Variants in ASIC2 observed in about 807,000 individuals in gnomAD.
ASIC2 encodes the protein acid-sensing ion channel 2.
Under a neutral mutation model 57.3 loss-of-function variants are expected in ASIC2, and 25 were observed. The ratio of observed to expected loss-of-function variants is 0.44; its 90% confidence interval spans 0.32 to 0.61. The LOEUF is 0.61. ASIC2 is among the 20% of genes least tolerant of loss of function. ASIC2 has a pLI of 0.06. For synonymous variants in ASIC2, 319 were observed against 307.5 expected (o/e 1.04, Z -0.39); for missense variants, 641 against 738.1 (o/e 0.87, Z 1.52).
intron 1 of ASIC2, among the ~76,000 whole-genome samples, chr17:33,633,282 C>A (rs1410665581): frequency 6.6e-6 from 1 of 152,222 alleles, no homozygotes; most frequent in Non-Finnish European, 1.5e-5. Flanking sequence ...CCATTCCCCA[C>A]CTGTGGGGTG....
At chr17:33,749,147 A>G (rs1910354677) in intron 1 of ASIC2, among the ~76,000 whole-genome samples, 1 of 152,106 alleles carries the variant, frequency 6.6e-6, no homozygotes, top group Admixed American at 6.5e-5. Context: ...GTGCAAGAGC[A>G]CAGCTTCCTC....
At chr17:33,563,628 G>T (rs921258412) in intron 1 of ASIC2, among the ~76,000 whole-genome samples, 1 of 152,150 alleles carries the variant, frequency 6.6e-6, no homozygotes, top group African/African-American at 2.4e-5. Flanking sequence ...AGTGCATCAG[G>T]CTGAATGAGA....
At chr17:33,273,255 C>T (rs1029566470) in intron 1 of ASIC2, among the ~76,000 whole-genome samples, 4 of 152,164 alleles carry the variant, frequency 2.6e-5, no homozygotes, top group African/African-American at 9.7e-5. Context: ...GTTTTTACTG[C>T]GTGAGCTTAC....
chr17:33,394,530 A>G (rs951188178), intron 1 of ASIC2, among the ~76,000 whole-genome samples: 1 of 152,202 alleles, frequency 6.6e-6, no homozygotes, highest in Non-Finnish European at 1.5e-5. Flanking sequence ...ACAGTGGTCA[A>G]GGTTAGAATA....
chr17:34,108,036 T>A (rs1182742035), intron 1 of ASIC2, among the ~76,000 whole-genome samples: 1 of 152,180 alleles, frequency 6.6e-6, no homozygotes, highest in Non-Finnish European at 1.5e-5. Flanking sequence ...TATGTGGCTA[T>A]TTCCTTACTT....
chr17:33,268,493 C>A (rs551324414), intron 1 of ASIC2, among the ~76,000 whole-genome samples: 1 of 152,134 alleles, frequency 6.6e-6, no homozygotes, highest in Admixed American at 6.5e-5. Context: ...TCAAAATACA[C>A]AAAGTTAAAT....
chr17:33,579,424 GAT>G (rs1567658187), intron 1 of ASIC2, among the ~76,000 whole-genome samples: 1 of 152,028 alleles, frequency 6.6e-6, no homozygotes, highest in African/African-American at 2.4e-5. Context: ...AAAACAAGGA[GAT>G]ATAGACTAGG....
chr17:33,292,596 C>T lies in ASIC2; in HGVS notation c.-481G>A. 2.0e-6 allele frequency: 2 copies of T among 985,798 alleles called. No individual in the cohort carries two copies. The highest frequency in any genetic ancestry group is 9.4e-5 in the South Asian group (2 of 21,292). The allele number at this position is 985,798 out of a possible 1,614,324, so 61.1% of individuals were successfully genotyped here. ...ACTCGGCCACCATGCCTGATCTGGACATCCCCAGGGACCCCACCAGCCCGG... is the reference window on the plus strand; with the variant it reads ...ACTCGGCCACCATGCCTGATCTGGATATCCCCAGGGACCCCACCAGCCCGG... On this transcript the variant is annotated 5_prime_UTR_variant, in exon 1 of 10. The change abolishes an upstream ATG in the 5' untranslated region. Transcript: ENST00000225823.
chr17:33,364,627 G>T (rs562591395), intron 1 of ASIC2, among the ~76,000 whole-genome samples: 21 of 152,220 alleles, frequency 1.4e-4, no homozygotes, highest in Admixed American at 1.1e-3. Flanking sequence ...AGATGTGCTT[G>T]CTTCCTCTCT....
intron 1 of ASIC2, among the ~76,000 whole-genome samples, chr17:33,974,788 A>C (rs1567775259): frequency 6.6e-6 from 1 of 151,714 alleles, no homozygotes. Flanking sequence ...ATCCATTCAC[A>C]TCTGTGTCTA....
At chr17:33,712,334 A>G (rs988425336) in intron 1 of ASIC2, among the ~76,000 whole-genome samples, 1 of 152,212 alleles carries the variant, frequency 6.6e-6, no homozygotes, top group African/African-American at 2.4e-5. Flanking sequence ...ACACTGAGCC[A>G]CAAGAGGGCT....
At chr17:33,285,096 G>A (rs866000346) in intron 1 of ASIC2, among the ~76,000 whole-genome samples, 6 of 152,318 alleles carry the variant, frequency 3.9e-5, no homozygotes, top group Admixed American at 6.5e-5. Flanking sequence ...TTAGGAGAAT[G>A]AAGGCAACCG....
intron 3 of ASIC2, among the ~76,000 whole-genome samples, chr17:33,087,313 A>G (rs1276242659): frequency 6.6e-6 from 1 of 152,068 alleles, no homozygotes; most frequent in East Asian, 1.9e-4. Flanking sequence ...TCTACCTTGC[A>G]TACCCTTGGA....
chr17:33,483,299 T>C (rs915144304), intron 1 of ASIC2, among the ~76,000 whole-genome samples: 2 of 152,230 alleles, frequency 1.3e-5, no homozygotes, highest in African/African-American at 2.4e-5. Context: ...GATTGCAGTT[T>C]TGCCCAAGTC....
At chr17:33,686,307 G>A (rs1421221107) in intron 1 of ASIC2, among the ~76,000 whole-genome samples, 1 of 152,112 alleles carries the variant, frequency 6.6e-6, no homozygotes, top group Non-Finnish European at 1.5e-5. Context: ...AGGATTCTTC[G>A]GATGGAGAAC....
In ASIC2 at chr17:34,031,346, C is replaced by A. The variant is rs1016327173; in HGVS notation, c.555+124632G>T. 4.5e-4 allele frequency among the ~76,000 whole-genome samples: 68 copies of A among 152,154 alleles called. 1 individual carries two copies. Among genetic ancestry groups the A allele is most frequent in the African/African-American group, 1.5e-3 (62 of 41,490 alleles). On this transcript the variant is annotated intron_variant, in intron 1 of 9. Coordinates refer to the ASIC2 transcript ENST00000359872. ...CTAACAAACAGGAAGGACATCCACA[C>A]CAAAAACCCATCTGTACCTCACCAT... is the stretch of plus-strand genomic sequence containing the variant.
rs1359174823 is a variant in ASIC2 at position 33,415,124 on chromosome 17, G to A, written c.556-303057C>T. On this transcript the variant is annotated intron_variant, in intron 1 of 9. Transcript: ENST00000359872. Reference sequence around the variant, plus strand: ...GCACTGATTGACTCTGTGACTTTAGGCAAGTCACTTACCCTCTCTAAGTTT... The same window carrying A: ...GCACTGATTGACTCTGTGACTTTAGACAAGTCACTTACCCTCTCTAAGTTT... Among the ~76,000 whole-genome samples, 8 of 152,206 alleles carry A rather than the reference G, an allele frequency of 5.3e-5. No homozygotes were observed. In the South Asian group the frequency reaches 1.5e-3, roughly 28 times the overall value.
intron 1 of ASIC2, among the ~76,000 whole-genome samples, chr17:33,117,368 G>T (rs760717239): frequency 2.6e-5 from 4 of 151,904 alleles, no homozygotes; most frequent in Middle Eastern, 3.4e-3. Context: ...TAGAGACAAG[G>T]TTTCACCATG....
At chr17:33,293,916 T>TTG (rs890001902), upstream of ASIC2, among the ~76,000 whole-genome samples, 4 of 151,630 alleles carry the variant, frequency 2.6e-5, no homozygotes, top group African/African-American at 7.3e-5. Flanking sequence ...TTGGTGTGTT[T>TTG]TGTGTGTGTG....
Sources: allele counts gnomAD v4.1 joint callset (sites outside exome capture counted in the v4.1 genomes callset), GRCh38; gene constraint gnomAD v4.1.1; transcripts MANE v1.5; gene names NCBI Gene and HGNC (gene_info 2026-07-23, HGNC 2026-07-21).